CCDC85C: variants seen among roughly 807,000 people sequenced by gnomAD.
CCDC85C encodes the protein coiled-coil domain-containing protein 85C.
Under a neutral mutation model 38.3 loss-of-function variants are expected in CCDC85C, and 18 were observed. The ratio of observed to expected loss-of-function variants is 0.47; its 90% CI spans 0.33 to 0.70. The LOEUF (loss-of-function observed/expected upper bound fraction) is 0.70. Ranked by LOEUF, CCDC85C falls within the 30% of genes least tolerant of loss-of-function variation. The pLI is 0.03. For missense variants in CCDC85C, 566 were observed against 621.2 expected, an observed-to-expected ratio of 0.91 and a Z score of 0.94; for synonymous variants, 264 against 293.8, an observed-to-expected ratio of 0.90 and a Z score of 1.04.
chr14:99,530,455 C>T lies in CCDC85C; in HGVS notation c.867+5560G>A, dbSNP rs563547909. Among the ~76,000 whole-genome samples the T allele has an allele frequency of 5.3e-5, 8 of 152,312 alleles. No homozygotes were observed. In the East Asian group the frequency reaches 7.7e-4, roughly 15 times the overall value. The stretch of plus-strand genomic sequence containing the variant: ...AAACGCTGACCAACAGAGATGCCCA[C>T]GTGGACCACCGCGACGCCAGCATCT... On this transcript the variant is annotated intron_variant, in intron 2 of 5. Coordinates refer to ENST00000380243, the MANE Select transcript of CCDC85C (RefSeq NM_001144995.2).
At position 99,501,302 on chromosome 14, in the gene CCDC85C, C is replaced by G; in HGVS notation, c.*13944G>C. On this transcript the variant is annotated 3_prime_UTR_variant, in exon 6 of 6. Transcript: ENST00000380243. The stretch of plus-strand genomic sequence containing the variant: ...GTAGGTTTTTAATAAATACTTGATG[C>G]TGCCTGTGAATTTTTCTATTGCTAT... 1 of 1,124,082 alleles carries G rather than the reference C, an allele frequency of 8.9e-7. No homozygotes were observed. The highest frequency in any genetic ancestry group is 1.2e-5 in the South Asian group (1 of 80,920). The allele number at this position is 1,124,082 out of a possible 1,614,324, so 69.6% of individuals were successfully genotyped here.
intron 3 of CCDC85C, among the ~76,000 whole-genome samples, chr14:99,521,129 A>G (rs1284427728): frequency 1.3e-5 from 2 of 152,212 alleles, no homozygotes; most frequent in East Asian, 3.9e-4. Flanking sequence ...GATCTGAATG[A>G]ATGAGAGGCA....
intron 1 of CCDC85C, among the ~76,000 whole-genome samples, chr14:99,578,025 C>G (rs1003381378): frequency 6.1e-5 from 9 of 147,160 alleles, no homozygotes; most frequent in African/African-American, 2.3e-4. Context: ...CACGCCCATA[C>G]AGCCCATCCT....
chr14:99,604,064 G>A lies in CCDC85C; in HGVS notation c.-105C>T. ...CGCGCGCGGGCGGGGGGCGGCCGGG[G>A]GCGCGTGCGGCCCGCCCCGCGCCGC... On this transcript the variant is annotated 5_prime_UTR_variant, in exon 1 of 6. Transcript: ENST00000380243. 1.0e-6 allele frequency: 1 copy of A among 972,494 alleles called. No homozygotes were observed. Among genetic ancestry groups the A allele is most frequent in the Non-Finnish European group, 1.2e-6 (1 of 821,750 alleles). 60.2% of individuals were successfully genotyped at this position (972,494 alleles called of 1,614,324 possible). A position where few individuals can be genotyped will look rare whatever the true frequency, so the allele number is the denominator to read the frequency against.
chr14:99,539,683 G>A (rs758753761), intron 1 of CCDC85C, among the ~76,000 whole-genome samples: 1 of 152,124 alleles, frequency 6.6e-6, no homozygotes, highest in African/African-American at 2.4e-5. Context: ...CAATGGCTGC[G>A]ACGTTTAAAA....
chr14:99,521,816 C>G (rs1282639155), intron 3 of CCDC85C, among the ~76,000 whole-genome samples: 2 of 152,250 alleles, frequency 1.3e-5, no homozygotes, highest in African/African-American at 4.8e-5. Flanking sequence ...ACCCCAAGCT[C>G]CAGGGCTGGC....
intron 1 of CCDC85C, among the ~76,000 whole-genome samples, chr14:99,551,855 T>C (rs1446462929): frequency 6.6e-6 from 1 of 152,056 alleles, no homozygotes; most frequent in Non-Finnish European, 1.5e-5. Context: ...TCAGAGCCTC[T>C]AGGGAAAAGG....
Position 99,603,269 on chromosome 14 carries a change from C to A in CCDC85C, c.691G>T (p.Gly231Trp). 7.2e-7 allele frequency: 1 copy of A among 1,381,972 alleles called. No individual in the cohort carries two copies. Among genetic ancestry groups the A allele is most frequent in the Non-Finnish European group, 9.3e-7 (1 of 1,073,654 alleles). 85.6% of individuals were successfully genotyped at this position (1,381,972 alleles called of 1,614,324 possible). A position where few individuals can be genotyped will look rare whatever the true frequency, so the allele number is the denominator to read the frequency against. ...TTGCCGTCGGGGGCCTTGTGCGGCC[C>A]GGGGGGCAGCAGCGGGGGTGGGACG... ...HHVPPPLLPP[G>W]PHKAPDGKAG... is the part of the protein sequence containing the mutation. The change falls in exon 1 of 6, where the codon GGG (glycine) becomes TGG (tryptophan). Residue 231 changes from glycine to tryptophan, a missense_variant. Gly to Trp is a radical substitution (Grantham distance 184, BLOSUM62 -2). This residue lies in a region of CCDC85C where 286 missense variants were observed against 276.4 expected (regional missense o/e 1.03). Coordinates refer to ENST00000380243, the MANE Select transcript of CCDC85C (RefSeq NM_001144995.2). The surrounding 1 kb of genome is among the most constrained non-coding windows in gnomAD (Gnocchi z 7.5).
At chr14:99,547,760 C>T (rs1382603171) in intron 1 of CCDC85C, among the ~76,000 whole-genome samples, 3 of 150,256 alleles carry the variant, frequency 2.0e-5, no homozygotes, top group East Asian at 2.0e-4. Flanking sequence ...GGTGACAGAG[C>T]GAGACTCTGT....
intron 2 of CCDC85C, among the ~76,000 whole-genome samples, chr14:99,526,999 G>A (rs1465241217): frequency 6.6e-6 from 1 of 152,122 alleles, no homozygotes; most frequent in East Asian, 1.9e-4. Context: ...ATCCTCAGAG[G>A]GAGAGTGCAG....
intron 1 of CCDC85C, among the ~76,000 whole-genome samples, chr14:99,567,818 T>C (rs533979137): frequency 4.6e-5 from 7 of 152,132 alleles, no homozygotes; most frequent in Admixed American, 3.3e-4. Context: ...AGAGCGAAAC[T>C]CTGTCTCAAA....
chr14:99,589,570 T>A (rs1038577983), intron 1 of CCDC85C, among the ~76,000 whole-genome samples: 5 of 152,218 alleles, frequency 3.3e-5, no homozygotes, highest in African/African-American at 1.2e-4. Flanking sequence ...CACTTTGGGC[T>A]CTGATTAGAG....
At chr14:99,575,555 G>A (rs1898456795) in intron 1 of CCDC85C, among the ~76,000 whole-genome samples, 1 of 152,216 alleles carries the variant, frequency 6.6e-6, no homozygotes, top group Non-Finnish European at 1.5e-5. Flanking sequence ...AAACATATGT[G>A]ACCACTAACT....
rs1238482921 is a variant in CCDC85C, at chr14:99,588,748, C to T, written c.793+14419G>A. Among the ~76,000 whole-genome samples, 1 of 151,904 alleles carries T rather than the reference C, an allele frequency of 6.6e-6. No homozygotes were observed. The highest frequency in any genetic ancestry group is 1.5e-5 in the Non-Finnish European group (1 of 68,004). On this transcript the variant is annotated intron_variant, in intron 1 of 5. Coordinates refer to ENST00000380243, the MANE Select transcript of CCDC85C (RefSeq NM_001144995.2). This position sits in a 1 kb window ranked among gnomAD's most constrained non-coding sequence, Gnocchi z 5.0. ...AGGCCACTGCAGGTCTTCAAAGCCC[C>T]AAGCAGCAGGAATACCCAAAAAAGC...
chr14:99,560,595 G>A (rs1050898508), intron 1 of CCDC85C, among the ~76,000 whole-genome samples: 5 of 152,194 alleles, frequency 3.3e-5, no homozygotes, highest in Admixed American at 6.5e-5. Context: ...AAGGGGCTGC[G>A]CAGGCTCTGT....
At position 99,560,890 on chromosome 14, in the gene CCDC85C, G is replaced by C. The variant is rs181386943; in HGVS notation, c.794-24802C>G. 1.7e-3 allele frequency among the ~76,000 whole-genome samples: 255 copies of C among 152,314 alleles called. 2 individuals carry two copies. The highest frequency in any genetic ancestry group is 6.8e-3 in the Middle Eastern group (2 of 294). ...AGGGAAGCAAGGTCTGGAGAGGGAC[G>C]GGCCTCCTCAGAGAACAGGGCTCCC... On this transcript the variant is annotated intron_variant, in intron 1 of 5. Transcript: ENST00000380243.
chr14:99,553,418 G>A (rs937209752), intron 1 of CCDC85C, among the ~76,000 whole-genome samples: 10 of 152,140 alleles, frequency 6.6e-5, no homozygotes, highest in Admixed American at 5.9e-4. Flanking sequence ...AGGCTGGAAT[G>A]CAATGGTGCG....
intron 1 of CCDC85C, among the ~76,000 whole-genome samples, chr14:99,559,839 G>A (rs1185388652): frequency 2.6e-5 from 4 of 152,088 alleles, no homozygotes; most frequent in Admixed American, 1.3e-4. Flanking sequence ...CACAGCAGGT[G>A]GGCCCGCAGC....
At position 99,503,180 on chromosome 14, in the gene CCDC85C, A is replaced by AG. The variant is rs1474553939; in HGVS notation, c.*12065dup. On this transcript the variant is annotated 3_prime_UTR_variant, in exon 6 of 6. Coordinates refer to ENST00000380243, the MANE Select transcript of CCDC85C (RefSeq NM_001144995.2). ...CAAGGACAGGCTGCCTCTGAGAACCAGGAGGGGGCTCTCTGCCCGGCTCCA... is the reference window on the plus strand; with the variant it reads ...CAAGGACAGGCTGCCTCTGAGAACCAGGGAGGGGGCTCTCTGCCCGGCTCCA... 4 of 722,946 alleles carry AG rather than the reference A, an allele frequency of 5.5e-6. No individual in the cohort carries two copies. Among genetic ancestry groups the AG allele is most frequent in the Non-Finnish European group, 9.8e-6 (4 of 406,164 alleles). 44.8% of individuals were successfully genotyped at this position (722,946 alleles called of 1,614,324 possible).
Sources: gnomAD v4.1 joint callset for allele counts (sites outside exome capture counted in the v4.1 genomes callset) on GRCh38, gnomAD v4.1.1 for gene constraint, gnomAD v4.1.1 regional missense constraint, Gnocchi (gnomAD v3.1) non-coding constraint, MANE v1.5 for transcripts, NCBI Gene and HGNC (gene_info 2026-07-23, HGNC 2026-07-21) for gene names.